GRIP1: variants seen among roughly 807,000 people sequenced by gnomAD.
The protein encoded by GRIP1 is glutamate receptor interacting protein 1, also known as glutamate receptor-interacting protein 1.
GRIP1 carries 45 observed loss-of-function variants against 129.9 expected under a neutral mutation model. The ratio of observed to expected loss-of-function variants is 0.35; its 90% CI spans 0.27 to 0.44. GRIP1 has a LOEUF of 0.44. Among genes scored for constraint, GRIP1 ranks in the 20% least tolerant of loss-of-function variants. The pLI is 1.00. For synonymous variants in GRIP1, 530 were observed against 520.8 expected (o/e 1.02, Z -0.24); for missense variants, 1,196 against 1,396.8 (o/e 0.86, Z 2.29).
At chr12:66,589,425 A>G (rs1446630254) in intron 2 of GRIP1, among the ~76,000 whole-genome samples, 2 of 152,160 alleles carry the variant, frequency 1.3e-5, no homozygotes, top group Non-Finnish European at 2.9e-5. Flanking sequence ...TGCACTACAA[A>G]TCAACAACTA....
intron 7 of GRIP1, among the ~76,000 whole-genome samples, chr12:66,490,187 A>C (rs553838749): frequency 6.6e-6 from 1 of 152,296 alleles, no homozygotes; most frequent in Admixed American, 6.5e-5. Flanking sequence ...CCTAAGCTAA[A>C]AGAACAAAGC....
At position 66,670,769 on chromosome 12, in the gene GRIP1, A is replaced by G. The variant is rs559119435; in HGVS notation, c.55+8081T>C. ...AGCTCCCTTAAGGTAGTTCTTGAGC[A>G]GGGGCTGAAGTGATGACAGTCAGAT... On this transcript the variant is annotated intron_variant, in intron 1 of 24. Transcript: ENST00000359742. Among the ~76,000 whole-genome samples the G allele has an allele frequency of 2.6e-5, 4 of 152,300 alleles. No homozygotes were observed. The East Asian group carries it at 5.8e-4, about 22-fold the overall frequency.
At chr12:66,557,105 CAT>C (rs1341720328) in intron 2 of GRIP1, among the ~76,000 whole-genome samples, 3 of 151,946 alleles carry the variant, frequency 2.0e-5, no homozygotes, top group Admixed American at 2.0e-4. Flanking sequence ...TATAATGACT[CAT>C]AGACTGAAAA....
At chr12:66,820,420 C>T (rs186530319) in intron 1 of GRIP1, among the ~76,000 whole-genome samples, 29 of 152,276 alleles carry the variant, frequency 1.9e-4, no homozygotes, top group African/African-American at 7.0e-4. Context: ...CAAAATGGTA[C>T]AGCTACTTGG....
chr12:66,850,062 T>TA (rs1474241485), intron 1 of GRIP1, among the ~76,000 whole-genome samples: 5 of 152,274 alleles, frequency 3.3e-5, no homozygotes, highest in Admixed American at 3.3e-4. Flanking sequence ...TGGAGATACT[T>TA]ACACTTTATA....
chr12:67,014,927 T>A (rs1488478585), intron 1 of GRIP1, among the ~76,000 whole-genome samples: 2 of 152,178 alleles, frequency 1.3e-5, no homozygotes. Context: ...TAGAAAAATA[T>A]TTATTCTAGA....
intron 1 of GRIP1, among the ~76,000 whole-genome samples, chr12:66,741,881 A>G (rs1031578699): frequency 2.6e-5 from 4 of 152,188 alleles, no homozygotes; most frequent in African/African-American, 9.6e-5. Flanking sequence ...CCATCTTTAG[A>G]AAACAGCCAG....
rs761155485 is a variant in GRIP1 at position 66,715,471 on chromosome 12, T to TGTGTGTGTGTGTGTGTGTGTGTGA, written c.-419-85136_-419-85135insTCACACACACACACACACACACAC. ...AGCTTGATGTGTGTGTGTGTGTGTGTGAGAGAGAGAGAGAGAGAGAGAGAG... is the reference window on the plus strand; with the variant it reads ...AGCTTGATGTGTGTGTGTGTGTGTGTGTGTGTGTGTGTGTGTGTGTGTGAGAGAGAGAGAGAGAGAGAGAGAGAG... On this transcript the variant is annotated intron_variant, in intron 1 of 4. Coordinates refer to the GRIP1 transcript ENST00000538373. Among the ~76,000 whole-genome samples the TGTGTGTGTGTGTGTGTGTGTGTGA allele has an allele frequency of 8.1e-4, 89 of 110,130 alleles. 1 individual carries two copies. The highest frequency in any genetic ancestry group is 1.3e-3 in the Non-Finnish European group (67 of 51,132). The allele number at this position is 110,130 out of a possible 152,430, so 72.2% of individuals were successfully genotyped here.
chr12:66,604,965 G>C (rs905125605), intron 1 of GRIP1, among the ~76,000 whole-genome samples: 1 of 151,760 alleles, frequency 6.6e-6, no homozygotes, highest in African/African-American at 2.4e-5. Flanking sequence ...CTGAGTGGTA[G>C]GATTAATAGA....
chr12:66,550,720 A>C (rs2062097594), intron 2 of GRIP1, among the ~76,000 whole-genome samples: 1 of 152,228 alleles, frequency 6.6e-6, no homozygotes, highest in Non-Finnish European at 1.5e-5. Flanking sequence ...GTAGAATAGC[A>C]AACAGCACCC....
At chr12:66,442,551 A>G (rs2058498034) in intron 13 of GRIP1, among the ~76,000 whole-genome samples, 1 of 152,076 alleles carries the variant, frequency 6.6e-6, no homozygotes, top group Admixed American at 6.6e-5. Context: ...AATTTTTTTG[A>G]GACAGGGTCT....
In GRIP1 at chr12:66,379,203, G is replaced by T. The variant is rs1263304192; in HGVS notation, c.2621+77C>A. Reference sequence around the variant, plus strand: ...CCCATACTAACAATATGTGCTACTGGAAGTACAGAAGTTCAAATCTTGCCC... The same window carrying T: ...CCCATACTAACAATATGTGCTACTGTAAGTACAGAAGTTCAAATCTTGCCC... On this transcript the variant is annotated intron_variant, in intron 20 of 24. Transcript: ENST00000359742. 4.4e-6 allele frequency: 6 copies of T among 1,353,514 alleles called. No individual in the cohort carries two copies. In the African/African-American group the frequency reaches 8.6e-5, roughly 19 times the overall value. The allele number at this position is 1,353,514 out of a possible 1,614,324, so 83.8% of individuals were successfully genotyped here.
chr12:66,898,661 C>A (rs2062860), intron 1 of GRIP1, among the ~76,000 whole-genome samples: 6,783 of 152,174 alleles, frequency 0.045, 463 homozygotes, highest in African/African-American at 0.15. Flanking sequence ...GAAAGAGATT[C>A]TTAATTTTAA....
intron 1 of GRIP1, among the ~76,000 whole-genome samples, chr12:66,759,785 A>G (rs2037413005): frequency 6.6e-6 from 1 of 152,066 alleles, no homozygotes; most frequent in Admixed American, 6.6e-5. Flanking sequence ...CCTTTGCTCC[A>G]GTTCCCAACA....
chr12:66,909,574 T>C (rs1403346669), intron 1 of GRIP1, among the ~76,000 whole-genome samples: 1 of 152,246 alleles, frequency 6.6e-6, no homozygotes, highest in Non-Finnish European at 1.5e-5. Flanking sequence ...TCTACTCTTT[T>C]ACTCCTTTCC....
At chr12:66,721,203 A>G (rs1401953771) in intron 1 of GRIP1, among the ~76,000 whole-genome samples, 1 of 152,102 alleles carries the variant, frequency 6.6e-6, no homozygotes, top group Non-Finnish European at 1.5e-5. Flanking sequence ...TTTTTTTCTG[A>G]GCAGATCTCG....
intron 1 of GRIP1, among the ~76,000 whole-genome samples, chr12:67,046,601 T>C (rs2043258325): frequency 6.6e-6 from 1 of 152,198 alleles, no homozygotes; most frequent in Non-Finnish European, 1.5e-5. Flanking sequence ...TACTGAAATC[T>C]TTTCTAATTT....
intron 2 of GRIP1, among the ~76,000 whole-genome samples, chr12:66,586,262 C>T (rs746560174): frequency 5.9e-5 from 9 of 152,100 alleles, no homozygotes; most frequent in Non-Finnish European, 1.0e-4. Context: ...ATCTTATGGC[C>T]AATTCTCATT....
intron 15 of GRIP1, among the ~76,000 whole-genome samples, chr12:66,420,415 G>GTTTTTTT (rs71096102): frequency 1.6e-5 from 2 of 127,906 alleles, no homozygotes; most frequent in Admixed American, 8.3e-5. Context: ...TACTTTCAGG[G>GTTTTTTT]TTTTTTTTTT....
Sources: gnomAD v4.1 joint callset for allele counts (sites outside exome capture counted in the v4.1 genomes callset) on GRCh38, gnomAD v4.1.1 for gene constraint, MANE v1.5 for transcripts, NCBI Gene and HGNC (gene_info 2026-07-23, HGNC 2026-07-21) for gene names.